The following BCL6 variants were observed in gnomAD, a reference collection of about 807,000 sequenced individuals.
BCL6 encodes BCL6 transcription repressor.
BCL6 carries 7 observed loss-of-function variants against 59.5 expected under a neutral mutation model. That is an observed-to-expected ratio of 0.12 (90% confidence interval 0.07 to 0.22). The LOEUF (loss-of-function observed/expected upper bound fraction) is 0.22. BCL6 is among the 10% of genes least tolerant of loss of function. The pLI is 1.00. For missense variants in BCL6, 685 were observed against 939.4 expected (o/e 0.73, Z 3.54); for synonymous variants, 339 against 349.7 (o/e 0.97, Z 0.34).
rs1579799631 is a variant in BCL6, at chr3:187,722,131, T to C, written c.*327A>G. ...CACAAAACATATACATTCCTCATTT[T>C]GCAGACTAAAGTCAAGTCAGAACTT... On this transcript the variant is annotated 3_prime_UTR_variant, in exon 10 of 10. Transcript: ENST00000406870. 1 of 264,162 alleles carries C rather than the reference T, an allele frequency of 3.8e-6. No individual in the cohort carries two copies. Among genetic ancestry groups the C allele is most frequent in the Non-Finnish European group, 7.2e-6 (1 of 138,970 alleles). The allele number at this position is 264,162 out of a possible 1,614,324, so 16.4% of individuals were successfully genotyped here.
chr3:187,728,492 T>G lies in BCL6; in HGVS notation c.1408A>C (p.Met470Leu). 1.2e-6 allele frequency: 2 copies of G among 1,611,234 alleles called. No homozygotes were observed. Among genetic ancestry groups the G allele is most frequent in the South Asian group, 1.1e-5 (1 of 90,880 alleles). The change falls in exon 6 of 10, where the codon ATG (methionine) becomes CTG (leucine). Residue 470 changes from methionine (M) to leucine (L), a missense_variant. Met to Leu is a conservative substitution (Grantham distance 15, BLOSUM62 2). Transcript: ENST00000406870. ...CAGGACGTGCACTTCGGGGGGTGCA[T>G]GTAGAGTGGTGAGTGGCTCTCGCTG... is the stretch of plus-strand genomic sequence containing the variant. The part of the protein sequence containing the change: ...SSSESHSPLY[M>L]HPPKCTSCGS...
At chr3:187,744,891 AAGCAGC>A in intron 1 of BCL6, among the ~76,000 whole-genome samples, 1 of 152,272 alleles carries the variant, frequency 6.6e-6, no homozygotes, top group East Asian at 1.9e-4. Context: ...AGCCGTACGC[AAGCAGC>A]AGCAGAAAGA....
In BCL6 at chr3:187,725,229, C is replaced by T; in HGVS notation, c.1840-151G>A. 1.5e-6 allele frequency: 2 copies of T among 1,311,678 alleles called. No individual in the cohort carries two copies. The highest frequency in any genetic ancestry group is 2.2e-5 in the Admixed American group (1 of 46,024). 81.3% of individuals were successfully genotyped at this position (1,311,678 alleles called of 1,614,324 possible). A position where few individuals can be genotyped will look rare whatever the true frequency, so the allele number is the denominator to read the frequency against. ...ACTGAGTGGGCCTTTCTGCTGCCCA[C>T]TCTGCTCACCTGCCCACTCCTCTGC... On this transcript the variant is annotated intron_variant, in intron 8 of 9. Transcript: ENST00000406870. This position sits in a 1 kb window ranked among gnomAD's most constrained non-coding sequence, Gnocchi z 4.7.
chr3:187,721,396 T>C lies in BCL6; in HGVS notation c.*1062A>G. The stretch of plus-strand genomic sequence containing the variant: ...ACCAAGCCAGTTTGACTTTTCAACA[T>C]TTTATTCTTATATTTGTACAGCTAT... On this transcript the variant is annotated 3_prime_UTR_variant, in exon 10 of 10. Transcript: ENST00000406870. The surrounding 1 kb of genome is among the most constrained non-coding windows in gnomAD (Gnocchi z 4.2). The C allele has an allele frequency of 4.4e-6, 1 of 225,514 alleles. No individual in the cohort carries two copies. The highest frequency in any genetic ancestry group is 8.9e-6 in the Non-Finnish European group (1 of 112,878). The allele number at this position is 225,514 out of a possible 1,614,324, so 14.0% of individuals were successfully genotyped here. A position where few individuals can be genotyped will look rare whatever the true frequency, so the allele number is the denominator to read the frequency against.
Position 187,724,081 on chromosome 3 carries a change from T to C in BCL6, c.1977+860A>G, listed in dbSNP as rs1718550428. ...ATCAACAAGTGAACAAAAATAACCA[T>C]GTTTTGCAGGTTAACCTCCGGTATG... is the stretch of plus-strand genomic sequence containing the variant. On this transcript the variant is annotated intron_variant, in intron 9 of 9. Transcript: ENST00000406870. Among the ~76,000 whole-genome samples, 3 of 152,308 alleles carry C rather than the reference T, an allele frequency of 2.0e-5. No homozygotes were observed. In the South Asian group the frequency reaches 6.2e-4, roughly 32 times the overall value.
chr3:187,745,054 A>G (rs577724100), intron 1 of BCL6, among the ~76,000 whole-genome samples: 1 of 151,810 alleles, frequency 6.6e-6, no homozygotes, highest in Non-Finnish European at 1.5e-5. Context: ...TCCTTTCCAA[A>G]AACCAAAACA....
chr3:187,727,539 A>G (rs906660503), intron 6 of BCL6, among the ~76,000 whole-genome samples: 5 of 152,200 alleles, frequency 3.3e-5, no homozygotes, highest in Admixed American at 1.3e-4. Context: ...AGACTGGGAG[A>G]CCGAAGCTGA....
chr3:187,736,837 G>C (rs1452528681), intron 1 of BCL6: 2 of 152,138 alleles, frequency 1.3e-5, no homozygotes, highest in Non-Finnish European at 2.9e-5. Context: ...AGCACCACCA[G>C]CATTTGGTTT....
intron 7 of BCL6, among the ~76,000 whole-genome samples, chr3:187,726,111 A>T (rs531704309): frequency 6.6e-6 from 1 of 152,324 alleles, no homozygotes; most frequent in East Asian, 1.9e-4. Context: ...AGGGAGACAC[A>T]ATCAGGCTGC....
chr3:187,745,292 A>C (rs1711896700), intron 1 of BCL6, 118 bp downstream of exon 1: 1 of 399,012 alleles, frequency 2.5e-6, no homozygotes, highest in East Asian at 3.6e-5. Flanking sequence ...AGCGGAAAAA[A>C]AAAGAATTAA....
Position 187,733,682 on chromosome 3 carries a change from C to T in BCL6, c.12G>A (p.Pro4=), listed in dbSNP as rs373211799. MAS[P]ADSCIQFTRH... ...GGGTGAACTGGATACAGCTGTCAGC[C>T]GGCGAGGCCATTTTGTCTTCACTTG... The change falls in exon 3 of 10, where the codon CCG becomes CCA. Residue 4 remains proline (P), a synonymous_variant. Coordinates refer to ENST00000406870, the MANE Select transcript of BCL6 (RefSeq NM_001706.5). 35 of 1,613,936 alleles carry T rather than the reference C, an allele frequency of 2.2e-5. No individual in the cohort carries two copies. The highest frequency in any genetic ancestry group is 6.7e-5 in the African/African-American group (5 of 74,888).
intron 1 of BCL6, among the ~76,000 whole-genome samples, chr3:187,744,814 A>C (rs1711824488): frequency 6.6e-6 from 1 of 152,278 alleles, no homozygotes; most frequent in Middle Eastern, 3.4e-3. Flanking sequence ...GCGACGGAGC[A>C]AGGAAAGCAG....
intron 1 of BCL6, among the ~76,000 whole-genome samples, chr3:187,735,918 A>T (rs1719261738): frequency 6.6e-6 from 1 of 151,932 alleles, no homozygotes; most frequent in Admixed American, 6.6e-5. Context: ...TGGGCCATGT[A>T]CATGGTTGGT....
At chr3:187,727,874 C>T (rs946924644) in intron 6 of BCL6, among the ~76,000 whole-genome samples, 2 of 152,196 alleles carry the variant, frequency 1.3e-5, no homozygotes, top group Non-Finnish European at 2.9e-5. Flanking sequence ...TTTAATAATT[C>T]TCTTCAACTC....
intron 1 of BCL6, among the ~76,000 whole-genome samples, chr3:187,742,121 G>A (rs966775645): frequency 6.6e-6 from 1 of 151,922 alleles, no homozygotes; most frequent in African/African-American, 2.4e-5. Flanking sequence ...AATCTCTGGG[G>A]GAAAAATGTT....
In BCL6 at chr3:187,729,201, G is replaced by A. The variant is rs769386051; in HGVS notation, c.1204C>T (p.Arg402Cys). 35 of 1,605,600 alleles carry A rather than the reference G, an allele frequency of 2.2e-5. No homozygotes were observed. The highest frequency in any genetic ancestry group is 7.8e-5 in the South Asian group (7 of 89,724). Reference sequence around the variant, plus strand: ...GCCGTGTAGGCTCGTGGGGAAAGGCGGCCCAGCTCAGCCTGCTCAGGCCCC... The same window carrying A: ...GCCGTGTAGGCTCGTGGGGAAAGGCAGCCCAGCTCAGCCTGCTCAGGCCCC... ...PEGPEQAELG[R>C]LSPRAYTAPP... The change falls in exon 5 of 10, where the codon CGC becomes TGC. Residue 402 changes from arginine to cysteine, a missense_variant. Arg to Cys is a radical substitution (Grantham distance 180). Coordinates refer to ENST00000406870, the MANE Select transcript of BCL6 (RefSeq NM_001706.5). The surrounding 1 kb of genome is among the most constrained non-coding windows in gnomAD (Gnocchi z 5.6).
In BCL6 at chr3:187,729,584, T is replaced by C; in HGVS notation, c.821A>G (p.His274Arg). The change falls in exon 5 of 10, where the codon CAC (histidine) becomes CGC (arginine). Residue 274 changes from histidine to arginine, a missense_variant. This residue lies in a region of BCL6 where 268 missense variants were observed against 263.8 expected (regional missense o/e 1.02). Transcript: ENST00000406870. This position sits in a 1 kb window ranked among gnomAD's most constrained non-coding sequence, Gnocchi z 5.6. Reference sequence around the variant, plus strand: ...TTTGAGGCCCTCAGCCACACTGTAGTGCATATCACTTCGTGCCTCTTCTGG... The same window carrying C: ...TTTGAGGCCCTCAGCCACACTGTAGCGCATATCACTTCGTGCCTCTTCTGG... ...TIPEEARSDM[H>R]YSVAEGLKPA... is the part of the protein sequence containing the mutation. 1.2e-6 allele frequency: 2 copies of C among 1,614,132 alleles called. No individual in the cohort carries two copies. Among genetic ancestry groups the C allele is most frequent in the Non-Finnish European group, 1.7e-6 (2 of 1,180,022 alleles).
chr3:187,726,580 A>G, intron 7 of BCL6, 151 bp downstream of exon 7: 1 of 1,064,682 alleles, frequency 9.4e-7, no homozygotes, highest in Non-Finnish European at 1.3e-6. Context: ...AAGACAAGAC[A>G]GGGTTAGACC....
At chr3:187,744,604 T>G (rs191297559) in intron 1 of BCL6, among the ~76,000 whole-genome samples, 1 of 151,656 alleles carries the variant, frequency 6.6e-6, no homozygotes, top group East Asian at 1.9e-4. Flanking sequence ...ACCCAAAGAG[T>G]TCGCTTGCAT....
Sources: gnomAD v4.1 joint callset for allele counts (sites outside exome capture counted in the v4.1 genomes callset) on GRCh38, gnomAD v4.1.1 for gene constraint, gnomAD v4.1.1 regional missense constraint, Gnocchi (gnomAD v3.1) non-coding constraint, MANE v1.5 for transcripts, NCBI Gene and HGNC (gene_info 2026-07-23, HGNC 2026-07-21) for gene names.